Variants in ABCC4 observed in about 807,000 individuals in gnomAD.
The protein encoded by ABCC4 is ATP-binding cassette sub-family C member 4.
A neutral mutation model predicts 168.5 loss-of-function variants in ABCC4; 102 were observed. The observed-to-expected ratio is 0.61, with a 90% CI of 0.52 to 0.71. ABCC4 has a LOEUF of 0.71. Ranked by LOEUF, ABCC4 falls within the 30% of genes least tolerant of loss-of-function variation. The pLI, the probability that ABCC4 is intolerant of heterozygous loss-of-function variation, is 0.00. For synonymous variants in ABCC4, 617 were observed against 590.7 expected (o/e 1.04, Z -0.65); for missense variants, 1,402 against 1,605.8 (o/e 0.87, Z 2.17).
At chr13:95,171,548 C>T (rs1174844426) in intron 13 of ABCC4, among the ~76,000 whole-genome samples, 3 of 149,730 alleles carry the variant, frequency 2.0e-5, no homozygotes, top group Non-Finnish European at 4.4e-5. Context: ...AGAGTAAGAC[C>T]CTGTCTCAAA....
At chr13:95,257,955 C>G (rs2040433974) in intron 1 of ABCC4, among the ~76,000 whole-genome samples, 1 of 152,206 alleles carries the variant, frequency 6.6e-6, no homozygotes, top group Non-Finnish European at 1.5e-5. Context: ...ACTCAGCGCA[C>G]AGCCATGCCC....
At chr13:95,058,600 A>AAAAG (rs1566379161) in intron 26 of ABCC4, among the ~76,000 whole-genome samples, 25 of 149,360 alleles carry the variant, frequency 1.7e-4, no homozygotes, top group African/African-American at 5.4e-4. Context: ...AAAGAAAAGA[A>AAAAG]AAAGAAAAAG....
At chr13:95,202,952 G>A (rs928207073) in intron 8 of ABCC4, among the ~76,000 whole-genome samples, 6 of 152,110 alleles carry the variant, frequency 3.9e-5, no homozygotes, top group African/African-American at 1.2e-4. Flanking sequence ...GAGCCATCGC[G>A]CCTGGCCGCA....
chr13:95,074,266 G>A lies in ABCC4; in HGVS notation c.2865C>T (p.Ile955=). The change falls in exon 23 of 31, where the codon ATC becomes ATT. Residue 955 remains isoleucine, a synonymous_variant. Transcript: ENST00000645237. ...SRWFAVRLDA[I]CAMFVIIVAF... ...CAACGATGATGACAAACATGGCACA[G>A]ATGGCATCCAGACGGACGGCAAACC... is the stretch of plus-strand genomic sequence containing the variant. 1.9e-6 allele frequency: 3 copies of A among 1,614,048 alleles called. No individual in the cohort carries two copies. Among genetic ancestry groups the A allele is most frequent in the Non-Finnish European group, 2.5e-6 (3 of 1,179,970 alleles).
At chr13:95,180,704 T>C (rs2037862092) in intron 11 of ABCC4, among the ~76,000 whole-genome samples, 1 of 152,234 alleles carries the variant, frequency 6.6e-6, no homozygotes, top group Non-Finnish European at 1.5e-5. Flanking sequence ...TGATGGTCTT[T>C]ATATAATGTG....
chr13:95,021,577 A>G lies in ABCC4; in HGVS notation c.3976T>C (p.Ter1326ArgextTer15), dbSNP rs769943373. 5 of 1,603,996 alleles carry G rather than the reference A, an allele frequency of 3.1e-6. No individual in the cohort carries two copies. Among genetic ancestry groups the G allele is most frequent in the Non-Finnish European group, 4.3e-6 (5 of 1,171,228 alleles). ...STLTIFETAL[*>R] The stretch of plus-strand genomic sequence containing the variant: ...CGGACTTGACATTTTGGTTGGATTC[A>G]CAGTGCTGTCTCGAAAATAGTTAAG... The change falls in exon 31 of 31, where the codon TGA (stop) becomes CGA (arginine). Residue 1326 changes from the stop codon to arginine, a stop_lost. Transcript: ENST00000645237.
chr13:95,171,643 A>G (rs1178268801), intron 13 of ABCC4, among the ~76,000 whole-genome samples: 1 of 152,184 alleles, frequency 6.6e-6, no homozygotes, highest in African/African-American at 2.4e-5. Context: ...CTCATGCTCA[A>G]TAAGTGTTAG....
chr13:95,042,558 T>C (rs996541941), intron 29 of ABCC4, among the ~76,000 whole-genome samples: 2 of 152,196 alleles, frequency 1.3e-5, no homozygotes, highest in Admixed American at 1.3e-4. Context: ...GTTCAGAGTT[T>C]AGATAAAGAC....
At chr13:95,082,826 T>C (rs1426938551) in intron 21 of ABCC4, among the ~76,000 whole-genome samples, 1 of 152,194 alleles carries the variant, frequency 6.6e-6, no homozygotes, top group Non-Finnish European at 1.5e-5. Context: ...AAGTGCCGGC[T>C]TTGTGTAAGA....
At chr13:95,289,963 GCGCATGCCTATAATCCCA>G (rs1302770496) in intron 1 of ABCC4, among the ~76,000 whole-genome samples, 2 of 152,060 alleles carry the variant, frequency 1.3e-5, no homozygotes, top group African/African-American at 2.4e-5. Flanking sequence ...AGGCATGGTA[GCGCATGCCTATAATCCCA>G]GCTACTCAGG....
At chr13:95,298,494 G>A (rs575419484) in intron 1 of ABCC4, among the ~76,000 whole-genome samples, 120 of 152,240 alleles carry the variant, frequency 7.9e-4, no homozygotes, top group Non-Finnish European at 1.3e-3. Flanking sequence ...CAGAGTGGAT[G>A]CTGGAGAATC....
chr13:95,037,230 A>C (rs1177974610), intron 29 of ABCC4, among the ~76,000 whole-genome samples: 5 of 152,186 alleles, frequency 3.3e-5, no homozygotes, highest in Non-Finnish European at 5.9e-5. Flanking sequence ...AACAAAGAGT[A>C]TGGCTACCAT....
intron 11 of ABCC4, among the ~76,000 whole-genome samples, chr13:95,184,032 G>A (rs532889944): frequency 4.6e-5 from 7 of 152,340 alleles, no homozygotes; most frequent in African/African-American, 1.7e-4. Context: ...TGCACAGGGG[G>A]CCAGCAGTCC....
intron 4 of ABCC4, among the ~76,000 whole-genome samples, chr13:95,233,807 C>T (rs531290993): frequency 6.6e-5 from 10 of 152,110 alleles, no homozygotes; most frequent in Non-Finnish European, 1.3e-4. Context: ...CAATCCCCCA[C>T]GAATACCAAG....
chr13:95,106,099 G>T (rs1299739771), intron 20 of ABCC4, among the ~76,000 whole-genome samples: 1 of 152,064 alleles, frequency 6.6e-6, no homozygotes, highest in Admixed American at 6.6e-5. Context: ...CCACTTAGCT[G>T]CTCAAAGACC....
At chr13:95,172,544 C>A (rs1376033500) in intron 13 of ABCC4, among the ~76,000 whole-genome samples, 1 of 139,340 alleles carries the variant, frequency 7.2e-6, no homozygotes, top group Admixed American at 7.7e-5. Flanking sequence ...CCAGCCTGGG[C>A]AACAGAGCGA....
chr13:95,125,045 T>A lies in ABCC4; in HGVS notation c.2456-9044A>T, dbSNP rs959864449. Among the ~76,000 whole-genome samples the A allele has an allele frequency of 7.2e-5, 11 of 152,020 alleles. No homozygotes were observed. In the East Asian group the frequency reaches 2.1e-3, roughly 29 times the overall value. On this transcript the variant is annotated intron_variant, in intron 19 of 30. Transcript: ENST00000645237. The stretch of plus-strand genomic sequence containing the variant: ...CACTAAATTAGTGCCAGAAACCACA[T>A]ACAGCACCTCAAAACTATGACACAG...
Position 95,166,591 on chromosome 13 carries a change from T to C in ABCC4, c.1825-224A>G, listed in dbSNP as rs183942665. ...CTGAAGAATATTTTTAAAATGGTAATAGTGTGTTACAAATGGCGATTATTA... is the reference window on the plus strand; with the variant it reads ...CTGAAGAATATTTTTAAAATGGTAACAGTGTGTTACAAATGGCGATTATTA... On this transcript the variant is annotated intron_variant, in intron 14 of 30. Transcript: ENST00000645237. Among the ~76,000 whole-genome samples the C allele has an allele frequency of 3.9e-3, 587 of 152,370 alleles. 4 individuals carry two copies. Among genetic ancestry groups the C allele is most frequent in the South Asian group, 0.011 (55 of 4,826 alleles).
At chr13:95,047,175 G>C (rs1477530749) in intron 27 of ABCC4, among the ~76,000 whole-genome samples, 1 of 152,096 alleles carries the variant, frequency 6.6e-6, no homozygotes, top group Non-Finnish European at 1.5e-5. Flanking sequence ...TCTGTGATTT[G>C]GACATTTTAA....
Sources: gnomAD v4.1 joint callset for allele counts (sites outside exome capture counted in the v4.1 genomes callset) on GRCh38, gnomAD v4.1.1 for gene constraint, MANE v1.5 for transcripts, NCBI Gene and HGNC (gene_info 2026-07-23, HGNC 2026-07-21) for gene names.